SLC10A7: variants seen among roughly 807,000 people sequenced by gnomAD.
SLC10A7 encodes the protein sodium/bile acid cotransporter 7.
SLC10A7 carries 29 observed loss-of-function variants against 43.2 expected under a neutral mutation model. The ratio of observed to expected loss-of-function variants is 0.67; its 90% CI spans 0.50 to 0.92. The LOEUF is 0.92. SLC10A7 is among the 40% of genes least tolerant of loss of function. The probability of loss-of-function intolerance (pLI) is 0.00; values close to 1 mark genes in which losing one functional copy is unlikely to be tolerated. For synonymous variants in SLC10A7, 152 were observed against 144.8 expected (o/e 1.05, Z -0.35); for missense variants, 295 against 403.2 (o/e 0.73, Z 2.30).
At chr4:146,301,786 G>C (rs540524950) in intron 7 of SLC10A7, among the ~76,000 whole-genome samples, 54 of 152,244 alleles carry the variant, frequency 3.5e-4, no homozygotes, top group African/African-American at 1.2e-3. Flanking sequence ...AGACAGGGTG[G>C]TGGCTGTTAA....
chr4:146,451,020 G>GAA (rs200841287), intron 4 of SLC10A7, among the ~76,000 whole-genome samples: 1 of 141,532 alleles, frequency 7.1e-6, no homozygotes, highest in African/African-American at 2.6e-5. Flanking sequence ...ATATACTAAA[G>GAA]AAAAAAAAAA....
At chr4:146,431,710 A>G (rs980172632) in intron 5 of SLC10A7, among the ~76,000 whole-genome samples, 1 of 152,176 alleles carries the variant, frequency 6.6e-6, no homozygotes, top group African/African-American at 2.4e-5. Flanking sequence ...AAAACATAGG[A>G]GAAAAATATT....
chr4:146,456,037 C>T (rs78179972), intron 4 of SLC10A7, among the ~76,000 whole-genome samples: 9 of 151,574 alleles, frequency 5.9e-5, no homozygotes, highest in African/African-American at 9.7e-5. Flanking sequence ...ACTCCCACCA[C>T]GGCCAATTTC....
At chr4:146,312,316 T>C (rs1732039186) in intron 6 of SLC10A7, among the ~76,000 whole-genome samples, 1 of 152,148 alleles carries the variant, frequency 6.6e-6, no homozygotes, top group South Asian at 2.1e-4. Context: ...TGACAAAGAT[T>C]GTATCTATTC....
intron 5 of SLC10A7, among the ~76,000 whole-genome samples, chr4:146,387,465 C>T (rs1327494371): frequency 3.9e-5 from 6 of 152,134 alleles, no homozygotes; most frequent in African/African-American, 1.4e-4. Context: ...AACAAACAAA[C>T]CCAGAGCCAA....
intron 5 of SLC10A7, among the ~76,000 whole-genome samples, chr4:146,405,964 CT>C (rs1024039424): frequency 2.0e-5 from 3 of 152,190 alleles, no homozygotes; most frequent in African/African-American, 7.2e-5. Context: ...AAAAGGATAT[CT>C]TTTCCATAAA....
chr4:146,276,737 G>A (rs999642909), intron 10 of SLC10A7, among the ~76,000 whole-genome samples: 1 of 151,988 alleles, frequency 6.6e-6, no homozygotes, highest in East Asian at 1.9e-4. Flanking sequence ...ATTGCTTGAG[G>A]CCAGGAGTTT....
chr4:146,356,859 A>G (rs1048478328), intron 5 of SLC10A7, among the ~76,000 whole-genome samples: 2 of 152,188 alleles, frequency 1.3e-5, no homozygotes, highest in African/African-American at 2.4e-5. Flanking sequence ...GTTTTAATCC[A>G]GGTCTTACTA....
chr4:146,481,915 TG>T (rs1734507050), intron 4 of SLC10A7, among the ~76,000 whole-genome samples: 1 of 152,090 alleles, frequency 6.6e-6, no homozygotes, highest in Admixed American at 6.5e-5. Context: ...CCAAATTGTA[TG>T]AAAAACAAAA....
intron 4 of SLC10A7, among the ~76,000 whole-genome samples, chr4:146,502,762 T>C (rs1452339186): frequency 6.6e-6 from 1 of 152,166 alleles, no homozygotes; most frequent in Non-Finnish European, 1.5e-5. Context: ...GAAAAGATTT[T>C]AAAAAAGAGC....
chr4:146,340,992 T>C (rs1046848676), intron 5 of SLC10A7, among the ~76,000 whole-genome samples: 2 of 151,768 alleles, frequency 1.3e-5, no homozygotes, highest in African/African-American at 4.8e-5. Flanking sequence ...CTTTGACAGT[T>C]TAAAAAAAAA....
intron 5 of SLC10A7, among the ~76,000 whole-genome samples, chr4:146,399,623 T>C (rs1444836407): frequency 6.6e-6 from 1 of 152,118 alleles, no homozygotes; most frequent in Non-Finnish European, 1.5e-5. Flanking sequence ...AAACTCAAGA[T>C]ACAGTTTGAA....
intron 4 of SLC10A7, among the ~76,000 whole-genome samples, chr4:146,491,921 G>A (rs145384680): frequency 3.9e-5 from 6 of 152,196 alleles, no homozygotes; most frequent in African/African-American, 1.4e-4. Context: ...TAAATACTTA[G>A]AAAGACACAG....
chr4:146,348,423 G>C (rs914560306), intron 5 of SLC10A7, among the ~76,000 whole-genome samples: 1 of 152,124 alleles, frequency 6.6e-6, no homozygotes, highest in African/African-American at 2.4e-5. Flanking sequence ...CCTTTCTCTA[G>C]TGGATAGCTG....
At chr4:146,290,648 C>A (rs896829858) in intron 9 of SLC10A7, among the ~76,000 whole-genome samples, 44 of 151,920 alleles carry the variant, frequency 2.9e-4, no homozygotes, top group African/African-American at 1.0e-3. Flanking sequence ...TCACTTGAGG[C>A]CAGGAGTTTA....
chr4:146,265,472 C>T (rs979982019), intron 10 of SLC10A7, among the ~76,000 whole-genome samples: 7 of 152,166 alleles, frequency 4.6e-5, no homozygotes, highest in Non-Finnish European at 1.0e-4. Flanking sequence ...ATGAAGGTGG[C>T]TTTCCTATTG....
At chr4:146,517,323 C>A (rs528828816) in intron 1 of SLC10A7, among the ~76,000 whole-genome samples, 3 of 152,080 alleles carry the variant, frequency 2.0e-5, no homozygotes, top group East Asian at 3.9e-4. Flanking sequence ...ATTAGCCGGG[C>A]ATGGTGGTGC....
At chr4:146,376,093 T>C (rs1418433100) in intron 5 of SLC10A7, among the ~76,000 whole-genome samples, 2 of 152,128 alleles carry the variant, frequency 1.3e-5, no homozygotes, top group Non-Finnish European at 2.9e-5. Flanking sequence ...AAGAGATGCA[T>C]AGAGTGGTGT....
At chr4:146,416,249 T>A (rs548358620) in intron 5 of SLC10A7, among the ~76,000 whole-genome samples, 1 of 152,296 alleles carries the variant, frequency 6.6e-6, no homozygotes, top group South Asian at 2.1e-4. Flanking sequence ...TCAGCATGGT[T>A]AGCATGAGAG....
Sources: allele counts gnomAD v4.1 joint callset (sites outside exome capture counted in the v4.1 genomes callset), GRCh38; gene constraint gnomAD v4.1.1; transcripts MANE v1.5; gene names NCBI Gene and HGNC (gene_info 2026-07-23, HGNC 2026-07-21).